BST1: variants seen among roughly 807,000 people sequenced by gnomAD.
The protein encoded by BST1 is bone marrow stromal cell antigen 1, also known as ADP-ribosyl cyclase/cyclic ADP-ribose hydrolase 2.
Under a neutral mutation model 40.6 loss-of-function variants are expected in BST1, and 49 were observed. That is an observed-to-expected ratio of 1.21 (90% confidence interval 0.96 to 1.53). The LOEUF (loss-of-function observed/expected upper bound fraction) is 1.53, where lower values mean the gene tolerates loss of function less well. BST1 is among the 40% of genes most tolerant of loss of function. The pLI, the probability that BST1 is intolerant of heterozygous loss-of-function variation, is 0.00. For missense variants in BST1, 423 were observed against 395.9 expected, an observed-to-expected ratio of 1.07 and a Z score of -0.58; for synonymous variants, 157 against 159.3, an observed-to-expected ratio of 0.99 and a Z score of 0.11.
At chr4:15,703,447 G>A in intron 1 of BST1, 115 bp downstream of exon 1, 1 of 1,424,096 alleles carries the variant, frequency 7.0e-7, no homozygotes, top group Non-Finnish European at 9.1e-7. Flanking sequence ...GAGAGGCCTT[G>A]AGGGGAGAGG....
chr4:15,705,989 T>A (rs1433050025), intron 2 of BST1, among the ~76,000 whole-genome samples: 4 of 152,136 alleles, frequency 2.6e-5, no homozygotes, highest in Non-Finnish European at 5.9e-5. Flanking sequence ...GGAGCAGGTG[T>A]CTTACATGGC....
At chr4:15,761,614 C>T in the BST1 span, among the ~76,000 whole-genome samples, 5 of 151,966 alleles carry the variant, frequency 3.3e-5, no homozygotes, top group Non-Finnish European at 5.9e-5. Flanking sequence ...TTAGTCAATT[C>T]ACCATTCTCT....
the BST1 span, among the ~76,000 whole-genome samples, chr4:15,755,803 A>G: frequency 6.6e-6 from 1 of 152,190 alleles, no homozygotes; most frequent in Non-Finnish European, 1.5e-5. Flanking sequence ...TTTGAAAAAA[A>G]AAACTTAACC....
In BST1 at chr4:15,703,274, C is replaced by G. The variant is rs1560274396; in HGVS notation, c.130C>G (p.Arg44Gly). The change falls in exon 1 of 9, where the codon CGG becomes GGG. Residue 44 changes from arginine (R) to glycine (G), a missense_variant. Arg to Gly is a moderately radical substitution (Grantham distance 125, BLOSUM62 -2). Transcript: ENST00000265016. ...WRGEGTSAHLRDIFLGRCAEY... is the reference protein window; with the variant it reads ...WRGEGTSAHLGDIFLGRCAEY... ...CGGGGAGGGCACCAGCGCACACTTGCGGGACATCTTCCTGGGCCGCTGCGC... is the reference window on the plus strand; with the variant it reads ...CGGGGAGGGCACCAGCGCACACTTGGGGGACATCTTCCTGGGCCGCTGCGC... 1.3e-6 allele frequency: 2 copies of G among 1,537,492 alleles called. No homozygotes were observed. Among genetic ancestry groups the G allele is most frequent in the Non-Finnish European group, 1.7e-6 (2 of 1,146,692 alleles).
At chr4:15,731,504 CAT>C (rs1721370404) in intron 8 of BST1, 1 of 1,032,272 alleles carries the variant, frequency 9.7e-7, no homozygotes, top group South Asian at 1.3e-5. Flanking sequence ...TCTGGGGAGT[CAT>C]AGTTCTTGAA....
intron 4 of BST1, among the ~76,000 whole-genome samples, chr4:15,713,673 G>C (rs1440858754): frequency 3.3e-5 from 5 of 152,010 alleles, no homozygotes; most frequent in Admixed American, 6.6e-5. Context: ...ACGTTATACA[G>C]CCTTATTGCA....
chr4:15,726,842 G>C (rs969969250), intron 8 of BST1, among the ~76,000 whole-genome samples: 1 of 151,732 alleles, frequency 6.6e-6, no homozygotes, highest in East Asian at 1.9e-4. Flanking sequence ...AGGAGAACGA[G>C]GGTAGCTCTT....
At chr4:15,729,200 G>A (rs912390556) in intron 8 of BST1, among the ~76,000 whole-genome samples, 5 of 152,048 alleles carry the variant, frequency 3.3e-5, no homozygotes, top group East Asian at 1.9e-4. Context: ...GCCTGTAACC[G>A]TAGCACTTTG....
chr4:15,733,540 T>G (rs1328179492), downstream of BST1, among the ~76,000 whole-genome samples: 1 of 152,208 alleles, frequency 6.6e-6, no homozygotes, highest in African/African-American at 2.4e-5. Context: ...CCTCTCGACC[T>G]AGGAAGTCCA....
At chr4:15,764,804 G>A in the BST1 span, among the ~76,000 whole-genome samples, 1 of 151,784 alleles carries the variant, frequency 6.6e-6, no homozygotes, top group African/African-American at 2.4e-5. Context: ...TGGCCACAGT[G>A]ATTGGCTCAT....
the BST1 span, among the ~76,000 whole-genome samples, chr4:15,758,674 G>A: frequency 1.3e-5 from 2 of 152,058 alleles, no homozygotes; most frequent in Non-Finnish European, 2.9e-5. Flanking sequence ...TGAGATTTTT[G>A]TACCTTGTTC....
the BST1 span, chr4:15,743,314 CA>C: frequency 2.1e-5 from 7 of 339,880 alleles, no homozygotes; most frequent in South Asian, 6.0e-5. Context: ...CTAAACAGAA[CA>C]AAAAAGCATG....
At chr4:15,756,097 A>G in the BST1 span, among the ~76,000 whole-genome samples, 2 of 152,216 alleles carry the variant, frequency 1.3e-5, no homozygotes, top group African/African-American at 4.8e-5. Context: ...GAATTTGAAA[A>G]AATAAAACTG....
chr4:15,733,131 G>C (rs10014661), downstream of BST1, among the ~76,000 whole-genome samples: 1 of 152,160 alleles, frequency 6.6e-6, no homozygotes, highest in Non-Finnish European at 1.5e-5. Flanking sequence ...CTGCTGGCTC[G>C]GTGGCCAGCT....
the BST1 span, among the ~76,000 whole-genome samples, chr4:15,750,797 T>C: frequency 1.3e-5 from 2 of 152,008 alleles, no homozygotes; most frequent in African/African-American, 4.8e-5. Context: ...ACATTAATTG[T>C]AACTGGGTTT....
At chr4:15,762,158 C>T in the BST1 span, among the ~76,000 whole-genome samples, 9 of 133,996 alleles carry the variant, frequency 6.7e-5, no homozygotes, top group Non-Finnish European at 1.1e-4. Context: ...CACTGCACTC[C>T]AGCCTGGGCG....
the BST1 span, among the ~76,000 whole-genome samples, chr4:15,743,775 A>G: frequency 1.3e-5 from 2 of 152,186 alleles, no homozygotes; most frequent in Non-Finnish European, 2.9e-5. Flanking sequence ...TCCCCTGCTC[A>G]GGACACTCTT....
chr4:15,756,496 C>T, the BST1 span, among the ~76,000 whole-genome samples: 25 of 152,312 alleles, frequency 1.6e-4, no homozygotes, highest in African/African-American at 6.0e-4. Flanking sequence ...GACACTCAAC[C>T]ACATTTTCCT....
chr4:15,769,044 ACT>A, the BST1 span, among the ~76,000 whole-genome samples: 3 of 152,074 alleles, frequency 2.0e-5, no homozygotes, highest in South Asian at 4.1e-4. Flanking sequence ...AGGACCTGAC[ACT>A]CAACGATGTT....
Sources: gnomAD v4.1 joint callset for allele counts (sites outside exome capture counted in the v4.1 genomes callset) on GRCh38, gnomAD v4.1.1 for gene constraint, MANE v1.5 for transcripts, NCBI Gene and HGNC (gene_info 2026-07-23, HGNC 2026-07-21) for gene names.